MYO5B: variants seen among roughly 807,000 people sequenced by gnomAD.
MYO5B encodes the protein myosin VB.
Under a neutral mutation model 229.3 loss-of-function variants are expected in MYO5B, and 143 were observed. The ratio of observed to expected loss-of-function variants is 0.62; its 90% CI spans 0.54 to 0.72. The LOEUF is 0.72. MYO5B is among the 30% of genes least tolerant of loss of function. The pLI is 0.00. For missense variants in MYO5B, 2,321 were observed against 2,331.0 expected, an observed-to-expected ratio of 1.00 and a Z score of 0.09; for synonymous variants, 918 against 885.2, an observed-to-expected ratio of 1.04 and a Z score of -0.66.
intron 35 of MYO5B, among the ~76,000 whole-genome samples, chr18:49,840,787 C>T (rs978571128): frequency 3.3e-5 from 5 of 152,326 alleles, no homozygotes; most frequent in Middle Eastern, 3.4e-3. Context: ...CTGGGCCTTA[C>T]AGGTCCGGTG....
At chr18:50,161,126 C>T (rs1442404156) in intron 1 of MYO5B, among the ~76,000 whole-genome samples, 1 of 152,120 alleles carries the variant, frequency 6.6e-6, no homozygotes, top group Non-Finnish European at 1.5e-5. Context: ...TCACATTAAA[C>T]AATGAAGGAC....
intron 36 of MYO5B, among the ~76,000 whole-genome samples, chr18:49,838,889 T>C (rs2024022589): frequency 6.6e-6 from 1 of 152,184 alleles, no homozygotes; most frequent in Non-Finnish European, 1.5e-5. Flanking sequence ...GTATTAAAAT[T>C]TGGGAAAAAA....
intron 4 of MYO5B, among the ~76,000 whole-genome samples, chr18:50,033,672 AC>A (rs1361444172): frequency 6.6e-5 from 10 of 152,216 alleles, no homozygotes; most frequent in African/African-American, 1.9e-4. Context: ...TAGAAAGCAC[AC>A]AGCTAAGAAG....
chr18:49,934,244 C>A lies in MYO5B; in HGVS notation c.2003+2008G>T, dbSNP rs935946326. Among the ~76,000 whole-genome samples, 16 of 151,982 alleles carry A rather than the reference C, an allele frequency of 1.1e-4. 1 individual carries two copies. Among genetic ancestry groups the A allele is most frequent in the Non-Finnish European group, 2.9e-5 (2 of 67,894 alleles). Reference sequence around the variant, plus strand: ...AAGACTAGCTTGCGACTGGCCAAATCAGCAGTGAGCTCAAACTAGACACAG... The same window carrying A: ...AAGACTAGCTTGCGACTGGCCAAATAAGCAGTGAGCTCAAACTAGACACAG... On this transcript the variant is annotated intron_variant, in intron 16 of 39. Coordinates refer to ENST00000285039, the MANE Select transcript of MYO5B (RefSeq NM_001080467.3).
intron 35 of MYO5B, chr18:49,840,009 A>G (rs1394038137): frequency 6.5e-6 from 1 of 153,278 alleles, no homozygotes; most frequent in Non-Finnish European, 1.5e-5. Flanking sequence ...AATATGAAAA[A>G]AAGCAGGCAG....
intron 4 of MYO5B, among the ~76,000 whole-genome samples, chr18:50,027,240 A>C (rs2026341074): frequency 6.6e-6 from 1 of 152,182 alleles, no homozygotes; most frequent in Admixed American, 6.5e-5. Flanking sequence ...TGTCAGCACC[A>C]TTATTAATTC....
chr18:50,077,354 A>T (rs1428089470), intron 1 of MYO5B, among the ~76,000 whole-genome samples: 1 of 152,100 alleles, frequency 6.6e-6, no homozygotes, highest in Non-Finnish European at 1.5e-5. Context: ...GCTACTTCAC[A>T]GCATGTTAGA....
Position 50,099,491 on chromosome 18 carries a change from C to G in MYO5B, c.28-44113G>C, listed in dbSNP as rs112703964. Reference sequence around the variant, plus strand: ...ACAAGATGCCATGGTTCCTTCCACTCCCAAAAGCCTGGCTTAGATGCAAAG... The same window carrying G: ...ACAAGATGCCATGGTTCCTTCCACTGCCAAAAGCCTGGCTTAGATGCAAAG... On this transcript the variant is annotated intron_variant, in intron 1 of 39. Transcript: ENST00000285039. Among the ~76,000 whole-genome samples the G allele has an allele frequency of 9.8e-3, 1,487 of 152,298 alleles. 29 individuals carry two copies. Among genetic ancestry groups the G allele is most frequent in the African/African-American group, 0.034 (1,405 of 41,564 alleles).
chr18:49,904,872 G>T, intron 19 of MYO5B, 44 bp from the exon 20 acceptor site: 2 of 1,605,220 alleles, frequency 1.2e-6, no homozygotes, highest in South Asian at 2.2e-5. Flanking sequence ...AGAGAGTATT[G>T]ACCGCCCTGA....
At chr18:49,958,443 C>T (rs2025520411) in intron 12 of MYO5B, among the ~76,000 whole-genome samples, 1 of 152,208 alleles carries the variant, frequency 6.6e-6, no homozygotes, top group South Asian at 2.1e-4. Flanking sequence ...CTCGTCTCTT[C>T]CTTCATGGGG....
intron 4 of MYO5B, among the ~76,000 whole-genome samples, chr18:50,032,612 G>A (rs943012079): frequency 1.4e-4 from 22 of 152,234 alleles, no homozygotes; most frequent in African/African-American, 4.6e-4. Flanking sequence ...CATTCATCAG[G>A]TGATGAACAT....
At chr18:50,155,471 G>T (rs77327284) in intron 1 of MYO5B, among the ~76,000 whole-genome samples, 1 of 152,158 alleles carries the variant, frequency 6.6e-6, no homozygotes, top group South Asian at 2.1e-4. Context: ...AGTATTTTGA[G>T]ATAAAAAACA....
chr18:50,016,984 C>A (rs1413349271), intron 4 of MYO5B, among the ~76,000 whole-genome samples: 1 of 151,940 alleles, frequency 6.6e-6, no homozygotes, highest in Non-Finnish European at 1.5e-5. Flanking sequence ...AATCTACTCC[C>A]CCAATCTACC....
chr18:50,102,555 G>C (rs998553815), intron 1 of MYO5B, among the ~76,000 whole-genome samples: 2 of 152,070 alleles, frequency 1.3e-5, no homozygotes, highest in African/African-American at 4.8e-5. Context: ...GCCAGACAAA[G>C]AGTTTCCACA....
At chr18:50,065,390 C>T (rs1023414610) in intron 1 of MYO5B, among the ~76,000 whole-genome samples, 1 of 152,116 alleles carries the variant, frequency 6.6e-6, no homozygotes, top group Non-Finnish European at 1.5e-5. Context: ...GTTTCATTCA[C>T]TCAGTTCTGC....
intron 14 of MYO5B, among the ~76,000 whole-genome samples, chr18:49,949,331 G>GAAAAA: frequency 1.1e-5 from 1 of 95,134 alleles, no homozygotes; most frequent in South Asian, 2.7e-4. Context: ...TGGAAAACTG[G>GAAAAA]AAAAAAAAAA....
chr18:50,052,055 A>G (rs769299497), intron 2 of MYO5B, among the ~76,000 whole-genome samples: 1 of 152,218 alleles, frequency 6.6e-6, no homozygotes, highest in Non-Finnish European at 1.5e-5. Flanking sequence ...TCAGGAAACA[A>G]CAGGTGCTGG....
intron 22 of MYO5B, among the ~76,000 whole-genome samples, chr18:49,892,549 T>A (rs1428694123): frequency 6.6e-6 from 1 of 152,218 alleles, no homozygotes; most frequent in Non-Finnish European, 1.5e-5. Context: ...GCTGGTCTCA[T>A]CAATCTCGCT....
At chr18:50,037,080 T>C (rs2144384145) in intron 3 of MYO5B, 86 bp from the exon 4 acceptor site, 1 of 1,482,392 alleles carries the variant, frequency 6.7e-7, no homozygotes, top group Admixed American at 1.7e-5. Flanking sequence ...TTCATACACA[T>C]GCCAAAAACC....
Sources: gnomAD v4.1 joint callset for allele counts (sites outside exome capture counted in the v4.1 genomes callset) on GRCh38, gnomAD v4.1.1 for gene constraint, MANE v1.5 for transcripts, NCBI Gene and HGNC (gene_info 2026-07-23, HGNC 2026-07-21) for gene names.